RIMS4: variants seen among roughly 807,000 people sequenced by gnomAD.
RIMS4 encodes the protein regulating synaptic membrane exocytosis protein 4.
In RIMS4, 9 loss-of-function variants were observed where a neutral mutation model predicts 29.0. The observed-to-expected ratio is 0.31, with a 90% CI of 0.19 to 0.54. The LOEUF is 0.54. Among genes scored for constraint, RIMS4 ranks in the 20% least tolerant of loss-of-function variants. The probability of loss-of-function intolerance (pLI) is 0.94; values close to 1 mark genes in which losing one functional copy is unlikely to be tolerated. For synonymous variants in RIMS4, 130 were observed against 152.9 expected (o/e 0.85, Z 1.10); for missense variants, 193 against 365.7 (o/e 0.53, Z 3.85).
intron 1 of RIMS4, among the ~76,000 whole-genome samples, chr20:44,806,201 C>T (rs568676327): frequency 1.2e-4 from 18 of 150,612 alleles, no homozygotes; most frequent in Non-Finnish European, 7.4e-5. Context: ...GCCCTTCTCC[C>T]AGGCGGGAGG....
chr20:44,795,745 T>A (rs919247819), intron 1 of RIMS4, among the ~76,000 whole-genome samples: 2 of 152,042 alleles, frequency 1.3e-5, no homozygotes, highest in Non-Finnish European at 2.9e-5. Flanking sequence ...TGAGCCATGG[T>A]AATTATCTGT....
chr20:44,776,389 GCT>G (rs1255433580), intron 1 of RIMS4, among the ~76,000 whole-genome samples: 1 of 152,160 alleles, frequency 6.6e-6, no homozygotes, highest in African/African-American at 2.4e-5. Context: ...ATCAGCTACT[GCT>G]CTCCCTCGCA....
intron 1 of RIMS4, among the ~76,000 whole-genome samples, chr20:44,784,104 C>G (rs961609433): frequency 6.6e-6 from 1 of 152,198 alleles, no homozygotes; most frequent in African/African-American, 2.4e-5. Flanking sequence ...GAGGCTCCCC[C>G]TAAGCCAGAA....
chr20:44,760,969 T>C (rs1435366093), intron 2 of RIMS4, among the ~76,000 whole-genome samples: 2 of 152,182 alleles, frequency 1.3e-5, no homozygotes, highest in Non-Finnish European at 2.9e-5. Flanking sequence ...TCAGTAGCTG[T>C]GACTTGTGCT....
intron 1 of RIMS4, among the ~76,000 whole-genome samples, chr20:44,794,471 T>TA (rs1320258260): frequency 6.6e-6 from 1 of 152,220 alleles, no homozygotes; most frequent in African/African-American, 2.4e-5. Flanking sequence ...TTTAAAGACT[T>TA]AGACATTTAC....
intron 1 of RIMS4, among the ~76,000 whole-genome samples, chr20:44,795,343 T>G (rs756307462): frequency 2.0e-5 from 3 of 152,154 alleles, no homozygotes; most frequent in Non-Finnish European, 4.4e-5. Context: ...ATCTATAAAA[T>G]AGGGATAGCC....
chr20:44,768,006 T>G (rs1461707904), intron 2 of RIMS4, among the ~76,000 whole-genome samples: 3 of 152,206 alleles, frequency 2.0e-5, no homozygotes, highest in Non-Finnish European at 1.5e-5. Flanking sequence ...TGGATCACAC[T>G]TCGAATAGCA....
intron 1 of RIMS4, among the ~76,000 whole-genome samples, chr20:44,779,240 T>G (rs2066173417): frequency 6.6e-6 from 1 of 152,250 alleles, no homozygotes; most frequent in Admixed American, 6.5e-5. Context: ...TTAAGACAAC[T>G]GTTTGTTGCA....
At chr20:44,763,353 A>G (rs935023723) in intron 2 of RIMS4, among the ~76,000 whole-genome samples, 4 of 152,226 alleles carry the variant, frequency 2.6e-5, no homozygotes, top group Non-Finnish European at 5.9e-5. Context: ...AAGGTGCTTT[A>G]GCACAGAGGA....
At chr20:44,765,787 T>C (rs2066110963) in intron 2 of RIMS4, among the ~76,000 whole-genome samples, 1 of 152,172 alleles carries the variant, frequency 6.6e-6, no homozygotes, top group Non-Finnish European at 1.5e-5. Flanking sequence ...TGGATGCCGA[T>C]GACCCAGACA....
rs914335729 is a variant in RIMS4, at chr20:44,753,974, G to C, written c.*2160C>G. ...GGCCAAGCCCCTGCTCCCCCTGGTT[G>C]GGACAGCCAGGCTCTGCCCTGTTTT... On this transcript the variant is annotated 3_prime_UTR_variant, in exon 6 of 6. Coordinates refer to ENST00000372851, the MANE Select transcript of RIMS4 (RefSeq NM_182970.4). 23 of 152,702 alleles carry C rather than the reference G, an allele frequency of 1.5e-4. No homozygotes were observed. Among genetic ancestry groups the C allele is most frequent in the African/African-American group, 5.1e-4 (21 of 41,580 alleles). 9.5% of individuals were successfully genotyped at this position (152,702 alleles called of 1,614,324 possible).
chr20:44,789,328 C>T (rs914186468), intron 1 of RIMS4, among the ~76,000 whole-genome samples: 3 of 152,160 alleles, frequency 2.0e-5, no homozygotes, highest in African/African-American at 7.2e-5. Flanking sequence ...GACGGAGTCT[C>T]TCTCTGTCAC....
chr20:44,755,638 T>C lies in RIMS4; in HGVS notation c.*496A>G, dbSNP rs2066056237. ...CTTCAAGTGGGGGGCTCTGGGCCCC[T>C]GGGAGCTGGCTCCGGATCCTTGCAA... On this transcript the variant is annotated 3_prime_UTR_variant, in exon 6 of 6. Coordinates refer to ENST00000372851, the MANE Select transcript of RIMS4 (RefSeq NM_182970.4). The C allele has an allele frequency of 6.5e-6, 1 of 153,656 alleles. No homozygotes were observed. The highest frequency in any genetic ancestry group is 2.4e-5 in the African/African-American group (1 of 41,454). 9.5% of individuals were successfully genotyped at this position (153,656 alleles called of 1,614,324 possible). A position where few individuals can be genotyped will look rare whatever the true frequency, so the allele number is the denominator to read the frequency against.
chr20:44,796,720 G>A (rs571770290), intron 1 of RIMS4, among the ~76,000 whole-genome samples: 40 of 152,372 alleles, frequency 2.6e-4, no homozygotes, highest in Admixed American at 5.2e-4. Flanking sequence ...CACCCCAGCT[G>A]AGGAAATGGC....
In RIMS4 at chr20:44,756,897, C is replaced by T; in HGVS notation, c.591+1G>A. On this transcript the variant is annotated splice_donor_variant, in intron 5 of 5. Transcript: ENST00000372851. LOFTEE classifies it high-confidence loss of function. This position sits in a 1 kb window ranked among gnomAD's most constrained non-coding sequence, Gnocchi z 5.9. ...CACGTGAGCGCGTCAATGCCCCTCA[C>T]CTGGAGGACTTTGCCCTGGGGACTC... 1 of 1,613,710 alleles carries T rather than the reference C, an allele frequency of 6.2e-7. No homozygotes were observed. The highest frequency in any genetic ancestry group is 8.5e-7 in the Non-Finnish European group (1 of 1,179,770).
chr20:44,799,924 C>A, intron 1 of RIMS4, among the ~76,000 whole-genome samples: 1 of 152,222 alleles, frequency 6.6e-6, no homozygotes, highest in East Asian at 1.9e-4. Context: ...TCACTGTGTA[C>A]CAGGCTCTCT....
Position 44,751,966 on chromosome 20 carries a change from T to C in RIMS4, c.*4168A>G, listed in dbSNP as rs559893532. The C allele has an allele frequency of 6.6e-6, 1 of 152,250 alleles. No homozygotes were observed. The highest frequency in any genetic ancestry group is 6.5e-5 in the Admixed American group (1 of 15,302). 9.4% of individuals were successfully genotyped at this position (152,250 alleles called of 1,614,324 possible). On this transcript the variant is annotated 3_prime_UTR_variant, in exon 6 of 6. Transcript: ENST00000372851. ...AGGGAATGAGGGAAAGGTGGGTGGA[T>C]GGAGAGAGGCCCCCAGCCTAAGGAC...
At chr20:44,764,060 AT>A (rs2066098405) in intron 2 of RIMS4, among the ~76,000 whole-genome samples, 1 of 149,464 alleles carries the variant, frequency 6.7e-6, no homozygotes, top group Non-Finnish European at 1.5e-5. Context: ...CCATCCATCC[AT>A]CCATTTATCC....
chr20:44,757,406 G>C (rs2066065318), intron 4 of RIMS4, among the ~76,000 whole-genome samples: 1 of 152,122 alleles, frequency 6.6e-6, no homozygotes, highest in Non-Finnish European at 1.5e-5. Context: ...ACCCTGCTAG[G>C]CACTGGGGTA....
Sources: allele counts gnomAD v4.1 joint callset (sites outside exome capture counted in the v4.1 genomes callset), GRCh38; gene constraint gnomAD v4.1.1; non-coding constraint Gnocchi (gnomAD v3.1); transcripts MANE v1.5; gene names NCBI Gene and HGNC (gene_info 2026-07-23, HGNC 2026-07-21).